The following ART4 variants were observed in gnomAD, a reference collection of about 807,000 sequenced individuals.
ART4 encodes the protein ADP-ribosyltransferase 4 (inactive) (Dombrock blood group), also known as ecto-ADP-ribosyltransferase 4.
A neutral mutation model predicts 24.2 loss-of-function variants in ART4; 14 were observed. That is an observed-to-expected ratio of 0.58 (90% confidence interval 0.38 to 0.90). The LOEUF is 0.90. Among genes scored for constraint, ART4 ranks in the 40% least tolerant of loss-of-function variants. ART4 has a pLI of 0.00. For missense variants in ART4, 356 were observed against 366.6 expected (o/e 0.97, Z 0.24); for synonymous variants, 145 against 139.9 (o/e 1.04, Z -0.26).
chr12:14,830,961 T>A (rs924533307), intron 2 of ART4, among the ~76,000 whole-genome samples: 12 of 151,572 alleles, frequency 7.9e-5, no homozygotes, highest in African/African-American at 2.9e-4. Context: ...TTTTTTTTCC[T>A]CTTCACTGAG....
intron 2 of ART4, among the ~76,000 whole-genome samples, chr12:14,839,528 A>G (rs1294848024): frequency 6.6e-6 from 1 of 152,206 alleles, no homozygotes. Context: ...GTGGAAGAGA[A>G]GTTGGTACAC....
Position 14,840,749 on chromosome 12 carries a change from A to G in ART4, c.549T>C (p.Tyr183=), listed in dbSNP as rs752213988. ...DSIMENGTLC[Y]EVHYRTKDVH... ...CATCCTTCGTCCTATAATGCACCTC[A>G]TAGCACAGAGTGCCATTCTCCATGA... Residue 183 remains tyrosine (Y), a synonymous_variant, in exon 2 of 3, where the codon TAT becomes TAC. Transcript: ENST00000228936. 1.2e-6 allele frequency: 2 copies of G among 1,614,174 alleles called. No individual in the cohort carries two copies. Among genetic ancestry groups the G allele is most frequent in the East Asian group, 2.2e-5 (1 of 44,874 alleles).
rs1256630631 is a variant in ART4 at position 14,840,251 on chromosome 12, T to C, written c.853+194A>G. On this transcript the variant is annotated intron_variant, in intron 2 of 2. Coordinates refer to ENST00000228936, the MANE Select transcript of ART4 (RefSeq NM_021071.4). ...AATTTCACTGCAGAACTTATTGTCC[T>C]GGAGGTAATGGAGTAGGAAGAAAAG... 6 of 544,436 alleles carry C rather than the reference T, an allele frequency of 1.1e-5. No homozygotes were observed. In the East Asian group the frequency reaches 1.5e-4, roughly 14 times the overall value. 33.7% of individuals were successfully genotyped at this position (544,436 alleles called of 1,614,324 possible).
rs551540680 is a variant in ART4, at chr12:14,843,353, G to C, written c.-240C>G. 1.0e-5 allele frequency: 4 copies of C among 401,508 alleles called. No homozygotes were observed. Among genetic ancestry groups the C allele is most frequent in the South Asian group, 3.2e-5 (1 of 30,840 alleles). 24.9% of individuals were successfully genotyped at this position (401,508 alleles called of 1,614,324 possible). Reference sequence around the variant, plus strand: ...TAGCCAGATGCGCACACCAAATAAGGGTTTCTAAAGAGAACCCAAGTTACT... The same window carrying C: ...TAGCCAGATGCGCACACCAAATAAGCGTTTCTAAAGAGAACCCAAGTTACT... On this transcript the variant is annotated 5_prime_UTR_variant, in exon 1 of 3. Transcript: ENST00000228936.
chr12:14,834,331 A>G (rs1950415155), intron 2 of ART4, among the ~76,000 whole-genome samples: 1 of 152,234 alleles, frequency 6.6e-6, no homozygotes, highest in Admixed American at 6.5e-5. Flanking sequence ...ATTGAAGCCC[A>G]GAGTAAAAGA....
At position 14,826,767 on chromosome 12, in the gene ART4, A is replaced by G. The variant is rs1383439741; in HGVS notation, c.*2604T>C. 1 of 152,160 alleles carries G rather than the reference A, an allele frequency of 6.6e-6. No homozygotes were observed. The highest frequency in any genetic ancestry group is 2.4e-5 in the African/African-American group (1 of 41,414). 9.4% of individuals were successfully genotyped at this position (152,160 alleles called of 1,614,324 possible). A position where few individuals can be genotyped will look rare whatever the true frequency, so the allele number is the denominator to read the frequency against. Reference sequence around the variant, plus strand: ...TCGCTTCTATTTTCTGCTTTCCTCTAAGTAAAACATCATCTCTGATAGAAA... The same window carrying G: ...TCGCTTCTATTTTCTGCTTTCCTCTGAGTAAAACATCATCTCTGATAGAAA... On this transcript the variant is annotated 3_prime_UTR_variant, in exon 3 of 3. Coordinates refer to ENST00000228936, the MANE Select transcript of ART4 (RefSeq NM_021071.4).
chr12:14,835,441 A>G (rs187277595), intron 2 of ART4, among the ~76,000 whole-genome samples: 2 of 152,310 alleles, frequency 1.3e-5, no homozygotes, highest in East Asian at 3.9e-4. Context: ...GGCTCAGTCC[A>G]ATACTGCTCC....
At chr12:14,836,675 G>A (rs539094010) in intron 2 of ART4, among the ~76,000 whole-genome samples, 1 of 152,282 alleles carries the variant, frequency 6.6e-6, no homozygotes, top group South Asian at 2.1e-4. Flanking sequence ...AGAACCAGAG[G>A]ATGGACCAGC....
At chr12:14,833,112 T>C (rs1950407199) in intron 2 of ART4, among the ~76,000 whole-genome samples, 1 of 152,212 alleles carries the variant, frequency 6.6e-6, no homozygotes, top group Non-Finnish European at 1.5e-5. Flanking sequence ...TTGGAGAATG[T>C]GATCAATTGA....
chr12:14,842,695 T>C (rs1205293176), intron 1 of ART4, among the ~76,000 whole-genome samples: 1 of 152,256 alleles, frequency 6.6e-6, no homozygotes, highest in Non-Finnish European at 1.5e-5. Flanking sequence ...GCATTGTTTG[T>C]ACTATGGAAG....
At chr12:14,837,180 T>C (rs948345178) in intron 2 of ART4, among the ~76,000 whole-genome samples, 2 of 152,238 alleles carry the variant, frequency 1.3e-5, no homozygotes, top group African/African-American at 4.8e-5. Context: ...CACAAGCTTC[T>C]AATTGATAAA....
chr12:14,840,995 G>A lies in ART4; in HGVS notation c.303C>T (p.His101=), dbSNP rs772253839. ...KNYFRMWQKA[H]LAWLNQGKVL... is the part of the protein sequence containing the mutation. ...CTTTTCCTTGGTTAAGCCAGGCTAA[G>A]TGGGCTTTTTGCCACATCCTAAAAT... Residue 101 remains histidine, a synonymous_variant, in exon 2 of 3, where the codon CAC becomes CAT. Coordinates refer to ENST00000228936, the MANE Select transcript of ART4 (RefSeq NM_021071.4). 1 of 1,614,186 alleles carries A rather than the reference G, an allele frequency of 6.2e-7. No individual in the cohort carries two copies. Among genetic ancestry groups the A allele is most frequent in the Non-Finnish European group, 8.5e-7 (1 of 1,180,040 alleles).
intron 2 of ART4, 82 bp downstream of exon 2, chr12:14,840,363 A>C: frequency 8.1e-7 from 1 of 1,233,426 alleles, no homozygotes; most frequent in African/African-American, 1.5e-5. Flanking sequence ...ATCTTTCCCC[A>C]AAAACCCACT....
intron 2 of ART4, among the ~76,000 whole-genome samples, chr12:14,830,647 A>ATGTG (rs1163869160): frequency 1.9e-5 from 1 of 52,078 alleles, no homozygotes; most frequent in African/African-American, 7.6e-5. Flanking sequence ...TACTGTATGT[A>ATGTG]TGTATATATA....
At chr12:14,837,911 C>A (rs1230892571) in intron 2 of ART4, among the ~76,000 whole-genome samples, 2 of 152,116 alleles carry the variant, frequency 1.3e-5, no homozygotes, top group East Asian at 3.8e-4. Context: ...GCAACTTGAC[C>A]AAGAACACAT....
intron 2 of ART4, among the ~76,000 whole-genome samples, chr12:14,839,461 AG>A (rs1415834203): frequency 9.9e-5 from 15 of 152,234 alleles, no homozygotes; most frequent in African/African-American, 3.6e-4. Context: ...GAGGATGGGA[AG>A]TCCAAGAGCA....
At chr12:14,830,600 C>T (rs1189609801) in intron 2 of ART4, among the ~76,000 whole-genome samples, 2 of 108,526 alleles carry the variant, frequency 1.8e-5, no homozygotes, top group Non-Finnish European at 3.7e-5. Context: ...AATTCCAAGA[C>T]AGAAAAGACA....
At chr12:14,832,771 A>G (rs540204828) in intron 2 of ART4, among the ~76,000 whole-genome samples, 40 of 152,340 alleles carry the variant, frequency 2.6e-4, no homozygotes, top group South Asian at 1.0e-3. Context: ...AAAAAAATTC[A>G]TAAGTCCTCT....
Position 14,843,143 on chromosome 12 carries a change from C to A in ART4, c.-30G>T. 1.2e-6 allele frequency: 2 copies of A among 1,612,214 alleles called. No homozygotes were observed. Among genetic ancestry groups the A allele is most frequent in the South Asian group, 1.1e-5 (1 of 90,822 alleles). On this transcript the variant is annotated 5_prime_UTR_variant, in exon 1 of 3. Coordinates refer to ENST00000228936, the MANE Select transcript of ART4 (RefSeq NM_021071.4). The stretch of plus-strand genomic sequence containing the variant: ...TTGTGTCACAAGTACTTCTCCTTTG[C>A]CCTTGCAGCTTCATCCTGAGATGAA...
Sources: allele counts gnomAD v4.1 joint callset (sites outside exome capture counted in the v4.1 genomes callset), GRCh38; gene constraint gnomAD v4.1.1; transcripts MANE v1.5; gene names NCBI Gene and HGNC (gene_info 2026-07-23, HGNC 2026-07-21).